The following WDR62 variants were observed in gnomAD, a reference collection of about 807,000 sequenced individuals.
WDR62 encodes the protein WD repeat domain 62, also known as WD repeat-containing protein 62.
Under a neutral mutation model 160.6 loss-of-function variants are expected in WDR62, and 112 were observed. That is an observed-to-expected ratio of 0.70 (90% CI 0.60 to 0.82). The LOEUF (loss-of-function observed/expected upper bound fraction) is 0.82, where lower values mean the gene tolerates loss of function less well. Among genes scored for constraint, WDR62 ranks in the 40% least tolerant of loss-of-function variants. The probability of loss-of-function intolerance (pLI) is 0.00; values close to 1 mark genes in which losing one functional copy is unlikely to be tolerated. For missense variants in WDR62, 1,819 were observed against 1,983.8 expected, an observed-to-expected ratio of 0.92 and a Z score of 1.58; for synonymous variants, 792 against 815.1, an observed-to-expected ratio of 0.97 and a Z score of 0.48.
intron 24 of WDR62, 99 bp downstream of exon 24, chr19:36,101,416 G>T (rs1386489156): frequency 9.8e-6 from 11 of 1,121,780 alleles, no homozygotes; most frequent in Admixed American, 4.0e-5. Flanking sequence ...CTGAAGCTCA[G>T]AGTCTGTCGA....
chr19:36,107,233 A>G (rs1973732868), downstream of WDR62, among the ~76,000 whole-genome samples: 1 of 151,986 alleles, frequency 6.6e-6, no homozygotes, highest in Non-Finnish European at 1.5e-5. Flanking sequence ...TTATGGCCTC[A>G]TGGTTGCAAC....
At chr19:36,069,619 C>G (rs1369388912) in intron 7 of WDR62, among the ~76,000 whole-genome samples, 1 of 152,266 alleles carries the variant, frequency 6.6e-6, no homozygotes, top group African/African-American at 2.4e-5. Context: ...AATCTCGGCA[C>G]TTTGGGAGGC....
At chr19:36,106,902 C>T (rs1275357687), downstream of WDR62, among the ~76,000 whole-genome samples, 2 of 152,188 alleles carry the variant, frequency 1.3e-5, no homozygotes, top group African/African-American at 4.8e-5. Context: ...TGGTCCAGAA[C>T]TTGAACCACC....
chr19:36,074,639 A>G (rs571413459), intron 9 of WDR62, among the ~76,000 whole-genome samples: 1 of 152,174 alleles, frequency 6.6e-6, no homozygotes, highest in African/African-American at 2.4e-5. Flanking sequence ...GGATCGTGAG[A>G]AAGAACTTTG....
In WDR62 at chr19:36,103,683, G is replaced by A; in HGVS notation, c.3855G>A (p.Leu1285=). Residue 1285 remains leucine, a synonymous_variant, in exon 30 of 32, where the codon CTG becomes CTA. Transcript: ENST00000401500. ...ACAGTGAGGGCCAAGAGCCTGCCCT[G>A]CGTTCCTGGGGCAACCACGAGGCCC... The part of the protein sequence containing the change: ...SLDSEGQEPA[L]RSWGNHEARA... The A allele has an allele frequency of 6.2e-7, 1 of 1,610,256 alleles. No individual in the cohort carries two copies. The highest frequency in any genetic ancestry group is 8.5e-7 in the Non-Finnish European group (1 of 1,179,994).
chr19:36,092,545 A>G (rs878888764), intron 18 of WDR62, 144 bp from the exon 19 acceptor site: 2 of 1,174,418 alleles, frequency 1.7e-6, no homozygotes, highest in Admixed American at 3.5e-5. Flanking sequence ...GCACCCCTGC[A>G]CTAAGCGGAT....
Position 36,055,153 on chromosome 19 carries a change from G to A in WDR62, c.177+5G>A, listed in dbSNP as rs1264412111. On this transcript the variant is annotated splice_donor_5th_base_variant and intron_variant, in intron 1 of 31. Transcript: ENST00000401500. ...GAGGAGACGGTGCAGAACCGGGTGA[G>A]AAGCTGCTCGCCATGTCTACCCCAG... 4.4e-6 allele frequency: 7 copies of A among 1,605,824 alleles called. No homozygotes were observed. The highest frequency in any genetic ancestry group is 1.6e-4 in the Middle Eastern group (1 of 6,062).
chr19:36,096,339 A>G (rs1403299686), intron 20 of WDR62, among the ~76,000 whole-genome samples: 1 of 152,146 alleles, frequency 6.6e-6, no homozygotes, highest in African/African-American at 2.4e-5. Flanking sequence ...CCTGGCCTGA[A>G]GTATCCTCCC....
intron 1 of WDR62, 128 bp downstream of exon 1, chr19:36,055,276 C>G: frequency 1.0e-6 from 1 of 971,818 alleles, no homozygotes; most frequent in Non-Finnish European, 1.5e-6. Flanking sequence ...TGCCATGCCT[C>G]GTCCCCTAAC....
At chr19:36,084,543 T>C (rs1972089154) in intron 11 of WDR62, 110 bp from the exon 12 acceptor site, 4 of 988,632 alleles carry the variant, frequency 4.0e-6, no homozygotes, top group Admixed American at 3.8e-5. Flanking sequence ...TATTTGGCCA[T>C]GATAAGGGGT....
Position 36,073,363 on chromosome 19 carries a change from G to A in WDR62, c.1065G>A (p.Ala355=), listed in dbSNP as rs370249182. The A allele has an allele frequency of 3.2e-5, 51 of 1,614,026 alleles. No homozygotes were observed. Among genetic ancestry groups the A allele is most frequent in the African/African-American group, 4.0e-5 (3 of 74,908 alleles). ...LEPSFLFHRK[A]EAVYPDTVAL... ...TTAGCTTCCTCTTCCACAGGAAGGC[G>A]GAAGCAGTCTACCCAGATACAGTGG... is the stretch of plus-strand genomic sequence containing the variant. The change falls in exon 9 of 32, where the codon GCG becomes GCA. Residue 355 remains alanine (A), a synonymous_variant. Coordinates refer to ENST00000401500, the MANE Select transcript of WDR62 (RefSeq NM_001083961.2).
In WDR62 at chr19:36,091,438, A is replaced by G; in HGVS notation, c.2183A>G (p.His728Arg). The change falls in exon 18 of 32, where the codon CAT becomes CGT. Residue 728 changes from histidine (H) to arginine (R), a missense_variant. Physicochemically the swap from His to Arg is conservative, Grantham distance 29. This residue lies in a region of WDR62 where 934 missense variants were observed against 1,157.2 expected (regional missense o/e 0.81). Coordinates refer to ENST00000401500, the MANE Select transcript of WDR62 (RefSeq NM_001083961.2). ...ITSMKFTYDC[H>R]HLITVSGDSC... Reference sequence around the variant, plus strand: ...AGCATGAAGTTCACCTATGACTGTCATCACTTGATCACAGTATCTGGAGAC... The same window carrying G: ...AGCATGAAGTTCACCTATGACTGTCGTCACTTGATCACAGTATCTGGAGAC... The G allele has an allele frequency of 6.2e-7, 1 of 1,614,044 alleles. No individual in the cohort carries two copies. The highest frequency in any genetic ancestry group is 8.5e-7 in the Non-Finnish European group (1 of 1,180,034).
intron 10 of WDR62, 100 bp from the exon 11 acceptor site, chr19:36,082,963 A>G: frequency 9.8e-7 from 1 of 1,022,280 alleles, no homozygotes; most frequent in Middle Eastern, 2.1e-4. Context: ...TCAAAATTAG[A>G]GTTGTATTAC....
At chr19:36,101,349 A>T (rs1382817080) in intron 24 of WDR62, 32 bp downstream of exon 24, 7 of 1,568,204 alleles carry the variant, frequency 4.5e-6, no homozygotes, top group Non-Finnish European at 6.1e-6. Context: ...ACCCTGTGAC[A>T]GTCTGTGCGT....
Position 36,090,456 on chromosome 19 carries a change from CTG to C in WDR62, c.1973_1974del (p.Val658GlufsTer14), listed in dbSNP as rs766107653. On this transcript the variant is annotated frameshift_variant, in exon 16 of 32. Coordinates refer to ENST00000401500, the MANE Select transcript of WDR62 (RefSeq NM_001083961.2). LOFTEE classifies it high-confidence loss of function. ...CCCTACTTCCCCAGAGTCTACAACA[CTG>C]TGAACGGGAAGCAGAAGAAGTGCTA... 3 of 1,614,120 alleles carry C rather than the reference CTG, an allele frequency of 1.9e-6. No homozygotes were observed. Among genetic ancestry groups the C allele is most frequent in the Admixed American group, 1.7e-5 (1 of 60,028 alleles).
chr19:36,067,578 C>T, intron 6 of WDR62, 135 bp downstream of exon 6: 1 of 1,329,210 alleles, frequency 7.5e-7, no homozygotes, highest in Non-Finnish European at 1.1e-6. Context: ...CCAGCTGCTG[C>T]TTCTGGGCCT....
rs772328424 is a variant in WDR62 at position 36,103,436 on chromosome 19, C to T, written c.3608C>T (p.Pro1203Leu). 2 of 1,614,140 alleles carry T rather than the reference C, an allele frequency of 1.2e-6. No homozygotes were observed. Among genetic ancestry groups the T allele is most frequent in the Non-Finnish European group, 1.7e-6 (2 of 1,180,014 alleles). Reference protein sequence around the residue: ...NLPTPTSAPTPGLAQGVHAPS... With the variant: ...NLPTPTSAPTLGLAQGVHAPS... ...CCAACGCCCACATCTGCACCCACCC[C>T]AGGCCTGGCTCAGGGTGTCCATGCC... The change falls in exon 30 of 32, where the codon CCA (proline) becomes CTA (leucine). Residue 1203 changes from proline (P) to leucine (L), a missense_variant. By Grantham distance (98) the Pro-to-Leu change is moderately conservative. Coordinates refer to ENST00000401500, the MANE Select transcript of WDR62 (RefSeq NM_001083961.2).
chr19:36,092,265 C>T (rs960819752), intron 18 of WDR62, among the ~76,000 whole-genome samples: 1 of 150,190 alleles, frequency 6.7e-6, no homozygotes, highest in African/African-American at 2.5e-5. Flanking sequence ...GAGCTGAGAT[C>T]GCGTCACTGC....
At chr19:36,064,703 G>A (rs995311002) in intron 3 of WDR62, among the ~76,000 whole-genome samples, 13 of 152,184 alleles carry the variant, frequency 8.5e-5, no homozygotes, top group African/African-American at 2.2e-4. Flanking sequence ...TCAGCCTCCC[G>A]AGTAGCCGGG....
Sources: gnomAD v4.1 joint callset for allele counts (sites outside exome capture counted in the v4.1 genomes callset) on GRCh38, gnomAD v4.1.1 for gene constraint, gnomAD v4.1.1 regional missense constraint, MANE v1.5 for transcripts, NCBI Gene and HGNC (gene_info 2026-07-23, HGNC 2026-07-21) for gene names.